The following MECOM variants were observed in gnomAD, a reference collection of about 807,000 sequenced individuals.
MECOM encodes MDS1 and EVI1 complex locus, also known as histone-lysine N-methyltransferase MECOM.
In MECOM, 13 loss-of-function variants were observed where a neutral mutation model predicts 116.3. That is an observed-to-expected ratio of 0.11 (90% confidence interval 0.07 to 0.18). The LOEUF (loss-of-function observed/expected upper bound fraction) is 0.18, where lower values mean the gene tolerates loss of function less well. Ranked by LOEUF, MECOM falls within the 10% of genes least tolerant of loss-of-function variation. MECOM has a pLI of 1.00. For synonymous variants in MECOM, 528 were observed against 535.2 expected, an observed-to-expected ratio of 0.99 and a Z score of 0.19; for missense variants, 1,299 against 1,509.0, an observed-to-expected ratio of 0.86 and a Z score of 2.31.
chr3:169,157,540 T>C (rs1035744146), intron 2 of MECOM, among the ~76,000 whole-genome samples: 2 of 152,232 alleles, frequency 1.3e-5, no homozygotes, highest in African/African-American at 2.4e-5. Flanking sequence ...AATATTCCAA[T>C]AGCAATTAAA....
At chr3:169,157,490 T>C (rs1361813065) in intron 2 of MECOM, among the ~76,000 whole-genome samples, 1 of 152,210 alleles carries the variant, frequency 6.6e-6, no homozygotes, top group Non-Finnish European at 1.5e-5. Flanking sequence ...ATTTAGTGAG[T>C]GTCACATCTT....
At chr3:169,525,991 G>A (rs1413839894) in intron 1 of MECOM, among the ~76,000 whole-genome samples, 2 of 151,684 alleles carry the variant, frequency 1.3e-5, no homozygotes, top group African/African-American at 2.4e-5. Flanking sequence ...TCATGCCACT[G>A]CACTCCAGCC....
At chr3:169,510,659 C>G (rs989930102) in intron 1 of MECOM, among the ~76,000 whole-genome samples, 1 of 152,074 alleles carries the variant, frequency 6.6e-6, no homozygotes, top group Non-Finnish European at 1.5e-5. Flanking sequence ...AGGGTCACAT[C>G]GCAAGGATGT....
chr3:169,407,976 A>G (rs1578007428), intron 1 of MECOM, among the ~76,000 whole-genome samples: 2 of 152,072 alleles, frequency 1.3e-5, no homozygotes, highest in South Asian at 4.1e-4. Context: ...AAATTCCAAG[A>G]TTTAGAGATC....
In MECOM at chr3:169,472,139, G is replaced by A. The variant is rs147153605; in HGVS notation, c.38-90615C>T. On this transcript the variant is annotated intron_variant, in intron 1 of 16. Transcript: ENST00000651503. ...AGTGCTTATTATACATTGTATGCCT[G>A]TATCAAAATATCTCATATACCCAAT... Among the ~76,000 whole-genome samples, 296 of 151,960 alleles carry A rather than the reference G, an allele frequency of 1.9e-3. 2 individuals are homozygous for A. Among genetic ancestry groups the A allele is most frequent in the Admixed American group, 0.01 (156 of 15,252 alleles).
intron 3 of MECOM, chr3:169,131,788 T>C (rs11721038): frequency 0.11 from 78,199 of 697,710 alleles, 7,133 homozygotes; most frequent in African/African-American, 0.39. Flanking sequence ...CAAATTTTCT[T>C]AATGCAAGGC....
chr3:169,361,651 G>C (rs1261996384), intron 2 of MECOM, among the ~76,000 whole-genome samples: 1 of 151,840 alleles, frequency 6.6e-6, no homozygotes, highest in Non-Finnish European at 1.5e-5. Flanking sequence ...ATTGAGGCAA[G>C]AAGTGGTTAA....
intron 3 of MECOM, among the ~76,000 whole-genome samples, chr3:169,142,284 A>G (rs1051202142): frequency 6.6e-6 from 1 of 151,920 alleles, no homozygotes; most frequent in Non-Finnish European, 1.5e-5. Context: ...AATAGCTTCC[A>G]TTGTCAATAA....
At chr3:169,220,593 GC>G (rs1303699920) in intron 2 of MECOM, among the ~76,000 whole-genome samples, 1 of 151,880 alleles carries the variant, frequency 6.6e-6, no homozygotes, top group Non-Finnish European at 1.5e-5. Context: ...TCCTGCCCCA[GC>G]CCCCCAAGTA....
intron 2 of MECOM, among the ~76,000 whole-genome samples, chr3:169,311,810 T>C (rs958512024): frequency 2.6e-5 from 4 of 152,324 alleles, no homozygotes; most frequent in African/African-American, 7.2e-5. Context: ...CATGACCTTC[T>C]TCATGAATTC....
At chr3:169,342,657 A>T (rs1457973309) in intron 2 of MECOM, among the ~76,000 whole-genome samples, 1 of 152,204 alleles carries the variant, frequency 6.6e-6, no homozygotes, top group Non-Finnish European at 1.5e-5. Context: ...GTTTCCTCTA[A>T]TAATTGTTGC....
At chr3:169,221,423 G>C (rs964209016) in intron 2 of MECOM, among the ~76,000 whole-genome samples, 1 of 152,052 alleles carries the variant, frequency 6.6e-6, no homozygotes, top group African/African-American at 2.4e-5. Context: ...AATTACCCTA[G>C]CATCCAAAAA....
intron 1 of MECOM, among the ~76,000 whole-genome samples, chr3:169,601,281 G>C (rs752600300): frequency 1.1e-4 from 16 of 152,160 alleles, no homozygotes; most frequent in Non-Finnish European, 2.4e-4. Flanking sequence ...GTAGGTTAAG[G>C]CTTAAAAATC....
chr3:169,502,013 CACCACATATG>C (rs768249801), intron 1 of MECOM, among the ~76,000 whole-genome samples: 64 of 152,050 alleles, frequency 4.2e-4, no homozygotes, highest in Non-Finnish European at 7.7e-4. Flanking sequence ...TATTTAGCAT[CACCACATATG>C]TCACATAATG....
intron 1 of MECOM, among the ~76,000 whole-genome samples, chr3:169,487,348 A>C (rs1249285086): frequency 6.6e-6 from 1 of 152,060 alleles, no homozygotes; most frequent in African/African-American, 2.4e-5. Context: ...GGTGAAACGA[A>C]AACACTTGGC....
chr3:169,489,059 T>TA (rs925144972), intron 1 of MECOM, among the ~76,000 whole-genome samples: 8 of 152,094 alleles, frequency 5.3e-5, no homozygotes, highest in African/African-American at 1.9e-4. Context: ...GGAATACAGA[T>TA]ACACAAGAGA....
intron 1 of MECOM, among the ~76,000 whole-genome samples, chr3:169,656,674 G>T (rs944902214): frequency 6.6e-6 from 1 of 152,166 alleles, no homozygotes; most frequent in Admixed American, 6.5e-5. Context: ...TGGTATTTTT[G>T]TCTTGGCTTT....
chr3:169,283,386 G>T (rs908180120), intron 2 of MECOM, among the ~76,000 whole-genome samples: 4 of 149,830 alleles, frequency 2.7e-5, no homozygotes, highest in Non-Finnish European at 4.4e-5. Flanking sequence ...CTACACTCCA[G>T]CCCTGGTGAC....
chr3:169,577,662 C>T (rs995906677), intron 1 of MECOM, among the ~76,000 whole-genome samples: 2 of 152,092 alleles, frequency 1.3e-5, no homozygotes, highest in African/African-American at 4.8e-5. Flanking sequence ...TCAAATAATT[C>T]AACAAGGCTT....
Sources: allele counts gnomAD v4.1 joint callset (sites outside exome capture counted in the v4.1 genomes callset), GRCh38; gene constraint gnomAD v4.1.1; transcripts MANE v1.5; gene names NCBI Gene and HGNC (gene_info 2026-07-23, HGNC 2026-07-21).